The following SLC40A1 variants were observed in gnomAD, a reference collection of about 807,000 sequenced individuals.
SLC40A1 encodes ferroportin.
SLC40A1 carries 16 observed loss-of-function variants against 53.5 expected under a neutral mutation model. The ratio of observed to expected loss-of-function variants is 0.30; its 90% CI spans 0.20 to 0.45. The LOEUF is 0.45. Among genes scored for constraint, SLC40A1 ranks in the 20% least tolerant of loss-of-function variants. The pLI is 1.00. For missense variants in SLC40A1, 545 were observed against 695.4 expected, an observed-to-expected ratio of 0.78 and a Z score of 2.43; for synonymous variants, 247 against 253.2, an observed-to-expected ratio of 0.98 and a Z score of 0.23.
At chr2:189,562,218 T>C (rs755872134) in intron 7 of SLC40A1, 27 bp from the exon 8 acceptor site, 1 of 1,524,482 alleles carries the variant, frequency 6.6e-7, no homozygotes, top group Non-Finnish European at 8.9e-7. Flanking sequence ...TTTTAAAGAT[T>C]AGATTTTAGT....
At position 189,571,805 on chromosome 2, in the gene SLC40A1, T is replaced by C. The variant is rs2031136260; in HGVS notation, c.424A>G (p.Ile142Val). The change falls in exon 5 of 8, where the codon ATT becomes GTT. Residue 142 changes from isoleucine to valine, a missense_variant. By Grantham distance (29) the Ile-to-Val change is conservative (BLOSUM62 3). Coordinates refer to ENST00000261024, the MANE Select transcript of SLC40A1 (RefSeq NM_014585.6). ...CYILIITIAN[I>V]ANLASTATAI... ...GTAGCAGTACTGGCCAAATTTGCAA[T>C]ATTTGCAATAGTGATGATCAGGATA... is the stretch of plus-strand genomic sequence containing the variant. The C allele has an allele frequency of 1.9e-6, 3 of 1,612,608 alleles. No homozygotes were observed. Among genetic ancestry groups the C allele is most frequent in the East Asian group, 4.5e-5 (2 of 44,814 alleles).
intron 5 of SLC40A1, among the ~76,000 whole-genome samples, chr2:189,570,913 T>C (rs781080532): frequency 9.2e-5 from 14 of 152,090 alleles, no homozygotes; most frequent in Non-Finnish European, 2.1e-4. Context: ...ATCAGCAGAG[T>C]TGACTCAGCT....
Position 189,580,657 on chromosome 2 carries a change from T to C in SLC40A1, c.-197A>G. ...CCCAGGGATTTTCTTTTTTCCTTCT[T>C]TCCAAACTTAGCTAACACTGTAGCT... is the stretch of plus-strand genomic sequence containing the variant. On this transcript the variant is annotated 5_prime_UTR_variant, in exon 1 of 8. Transcript: ENST00000261024. The C allele has an allele frequency of 6.6e-7, 1 of 1,518,094 alleles. No individual in the cohort carries two copies. The highest frequency in any genetic ancestry group is 8.8e-7 in the Non-Finnish European group (1 of 1,138,056). 94.0% of individuals were successfully genotyped at this position (1,518,094 alleles called of 1,614,324 possible).
rs113469677 is a variant in SLC40A1, at chr2:189,563,603, G to A, written c.1383C>T (p.Gly461=). The A allele has an allele frequency of 1.1e-5, 18 of 1,613,722 alleles. No individual in the cohort carries two copies. Among genetic ancestry groups the A allele is most frequent in the East Asian group, 2.2e-5 (1 of 44,902 alleles). Residue 461 remains glycine, a synonymous_variant, in exon 7 of 8, where the codon GGC becomes GGT. Coordinates refer to ENST00000261024, the MANE Select transcript of SLC40A1 (RefSeq NM_014585.6). The part of the protein sequence containing the change: ...PIISVSLLFA[G]VIAARIGLWS... ...TCTTACCGATTCTAGCAGCAATGACGCCTGCAAACAGCAGACTGACAGAGA... is the reference window on the plus strand; with the variant it reads ...TCTTACCGATTCTAGCAGCAATGACACCTGCAAACAGCAGACTGACAGAGA...
intron 5 of SLC40A1, among the ~76,000 whole-genome samples, chr2:189,570,793 C>T (rs950819000): frequency 3.3e-5 from 5 of 152,148 alleles, no homozygotes; most frequent in Non-Finnish European, 5.9e-5. Flanking sequence ...AACCCCAGCA[C>T]ATAATCTTGC....
At chr2:189,573,353 T>C (rs991596950) in intron 3 of SLC40A1, among the ~76,000 whole-genome samples, 2 of 152,218 alleles carry the variant, frequency 1.3e-5, no homozygotes, top group Non-Finnish European at 2.9e-5. Context: ...AAAGAGGAAG[T>C]TATGAAATCT....
At position 189,560,615 on chromosome 2, in the gene SLC40A1, T is replaced by C. The variant is rs1018461789; in HGVS notation, c.*1263A>G. 5 of 152,636 alleles carry C rather than the reference T, an allele frequency of 3.3e-5. No individual in the cohort carries two copies. The highest frequency in any genetic ancestry group is 7.3e-5 in the Non-Finnish European group (5 of 68,030). 9.5% of individuals were successfully genotyped at this position (152,636 alleles called of 1,614,324 possible). ...TTAAGATTTTCAAAATATTTTTATA[T>C]AGAAATTTTTTACAAAGATTTTACA... On this transcript the variant is annotated 3_prime_UTR_variant, in exon 8 of 8. Coordinates refer to ENST00000261024, the MANE Select transcript of SLC40A1 (RefSeq NM_014585.6).
intron 5 of SLC40A1, among the ~76,000 whole-genome samples, chr2:189,570,100 A>G (rs777546455): frequency 9.3e-5 from 14 of 150,668 alleles, no homozygotes; most frequent in Non-Finnish European, 1.0e-4. Context: ...GTATGTGTGT[A>G]TATATATATG....
At chr2:189,562,486 T>A (rs551663208) in intron 7 of SLC40A1, among the ~76,000 whole-genome samples, 15 of 152,174 alleles carry the variant, frequency 9.9e-5, no homozygotes, top group Non-Finnish European at 1.6e-4. Context: ...AACTTTGAAA[T>A]CAGAGACATA....
intron 3 of SLC40A1, among the ~76,000 whole-genome samples, chr2:189,574,598 A>G: frequency 6.6e-6 from 1 of 152,216 alleles, no homozygotes; most frequent in Non-Finnish European, 1.5e-5. Context: ...CCTGTATAAA[A>G]TGACATGATT....
chr2:189,580,159 G>T (rs1574248720), intron 1 of SLC40A1, among the ~76,000 whole-genome samples: 1 of 151,540 alleles, frequency 6.6e-6, no homozygotes, highest in African/African-American at 2.4e-5. Context: ...TGGGTTGGTT[G>T]GTTTGTTTGT....
chr2:189,580,727 A>G lies in SLC40A1; in HGVS notation c.-267T>C, dbSNP rs1356460432. ...CTTATGGAAGCGGTTTGGGAGGCTC[A>G]GCAGGTCGTCCGAGCCTAGCGGACG... On this transcript the variant is annotated 5_prime_UTR_variant, in exon 1 of 8. Transcript: ENST00000261024. 7.3e-7 allele frequency: 1 copy of G among 1,376,208 alleles called. No individual in the cohort carries two copies. The allele number at this position is 1,376,208 out of a possible 1,614,324, so 85.2% of individuals were successfully genotyped here.
intron 5 of SLC40A1, among the ~76,000 whole-genome samples, chr2:189,569,998 GTA>G (rs2105626259): frequency 1.1e-5 from 1 of 91,864 alleles, no homozygotes; most frequent in African/African-American, 3.5e-5. Context: ...ACCTATATAT[GTA>G]TGTATATATA....
At chr2:189,567,274 G>A (rs185609965) in intron 5 of SLC40A1, among the ~76,000 whole-genome samples, 16 of 152,286 alleles carry the variant, frequency 1.1e-4, no homozygotes, top group Admixed American at 2.0e-4. Context: ...ATTATGGGAG[G>A]AGAGAATTTA....
intron 7 of SLC40A1, among the ~76,000 whole-genome samples, chr2:189,563,289 C>CA (rs964698716): frequency 0.036 from 4,490 of 125,594 alleles, 227 homozygotes; most frequent in African/African-American, 0.12. Flanking sequence ...AAAAAAAAAA[C>CA]AAAAAAAAAA....
chr2:189,571,087 T>C (rs1210889733), intron 5 of SLC40A1, among the ~76,000 whole-genome samples: 1 of 152,174 alleles, frequency 6.6e-6, no homozygotes, highest in Non-Finnish European at 1.5e-5. Context: ...GAATAGGACA[T>C]GTTGCCTTGT....
At chr2:189,571,629 A>T in intron 5 of SLC40A1, 86 bp downstream of exon 5, 1 of 1,554,898 alleles carries the variant, frequency 6.4e-7, no homozygotes, top group Non-Finnish European at 8.7e-7. Flanking sequence ...CAGAACAAAA[A>T]TACAAGGCTT....
At chr2:189,570,893 T>A (rs892019176) in intron 5 of SLC40A1, among the ~76,000 whole-genome samples, 9 of 152,202 alleles carry the variant, frequency 5.9e-5, no homozygotes, top group African/African-American at 2.2e-4. Flanking sequence ...TTATACCCAT[T>A]ATCTCAGTGA....
At chr2:189,565,313 G>T in intron 6 of SLC40A1, 41 bp downstream of exon 6, 1 of 1,612,438 alleles carries the variant, frequency 6.2e-7, no homozygotes, top group South Asian at 1.1e-5. Flanking sequence ...TTTAAGGTCT[G>T]AACATGAGAA....
Sources: allele counts gnomAD v4.1 joint callset (sites outside exome capture counted in the v4.1 genomes callset), GRCh38; gene constraint gnomAD v4.1.1; transcripts MANE v1.5; gene names NCBI Gene and HGNC (gene_info 2026-07-23, HGNC 2026-07-21).